The following ZNF254 variants were observed in gnomAD, a reference collection of about 807,000 sequenced individuals.
ZNF254 encodes CTD-2017D11.1.
A neutral mutation model predicts 12.4 loss-of-function variants in ZNF254; 10 were observed. That is an observed-to-expected ratio of 0.80 (90% CI 0.50 to 1.36). ZNF254 has a LOEUF of 1.36. Among genes scored for constraint, ZNF254 ranks in the 40% most tolerant of loss-of-function variants. The pLI is 0.00. For missense variants in ZNF254, 996 were observed against 763.9 expected (o/e 1.30, Z -3.58); for synonymous variants, 305 against 253.4 (o/e 1.20, Z -1.93).
chr19:24,076,423 C>G (rs1971662320), intron 2 of ZNF254, among the ~76,000 whole-genome samples: 1 of 152,152 alleles, frequency 6.6e-6, no homozygotes, highest in African/African-American at 2.4e-5. Context: ...TGTGACTCCT[C>G]TATTCTGGCT....
At chr19:24,089,689 C>A (rs1972250363) in intron 1 of ZNF254, among the ~76,000 whole-genome samples, 1 of 151,904 alleles carries the variant, frequency 6.6e-6, no homozygotes, top group Admixed American at 6.6e-5. Context: ...GTCTAAAAGG[C>A]ATTTCCTAGT....
chr19:24,037,175 C>T (rs1239225966), intron 1 of ZNF254, among the ~76,000 whole-genome samples: 1 of 152,220 alleles, frequency 6.6e-6, no homozygotes, highest in Non-Finnish European at 1.5e-5. Context: ...GTCCCCCACT[C>T]ACGGGTCCTT....
At chr19:24,071,277 T>TC (rs2145493476) in intron 2 of ZNF254, among the ~76,000 whole-genome samples, 1 of 152,298 alleles carries the variant, frequency 6.6e-6, no homozygotes, top group South Asian at 2.1e-4. Context: ...GAGTGACTAA[T>TC]CCCTAGGCAC....
chr19:24,112,382 A>G (rs994263428), intron 3 of ZNF254, among the ~76,000 whole-genome samples: 2 of 145,496 alleles, frequency 1.4e-5, no homozygotes, highest in African/African-American at 5.1e-5. Context: ...GTCAGGTAGC[A>G]TGATGCCTCC....
At chr19:24,102,957 T>C (rs1282135157) in intron 1 of ZNF254, among the ~76,000 whole-genome samples, 1 of 152,204 alleles carries the variant, frequency 6.6e-6, no homozygotes, top group African/African-American at 2.4e-5. Flanking sequence ...TCCTTGGATT[T>C]ATTGGACACT....
At chr19:24,116,045 G>T (rs1197733040) in intron 3 of ZNF254, among the ~76,000 whole-genome samples, 3 of 152,154 alleles carry the variant, frequency 2.0e-5, no homozygotes, top group Non-Finnish European at 4.4e-5. Context: ...CTGGCTTGTA[G>T]AGTTTCTGCC....
At chr19:24,038,622 C>T (rs776572665) in intron 1 of ZNF254, among the ~76,000 whole-genome samples, 7 of 152,318 alleles carry the variant, frequency 4.6e-5, no homozygotes, top group South Asian at 2.1e-4. Flanking sequence ...ACTGTGCCCA[C>T]CATGCTTCAT....
chr19:24,107,194 TGTA>T lies in ZNF254; in HGVS notation c.253+554_253+556del, dbSNP rs758951064. 30 of 641,920 alleles carry T rather than the reference TGTA, an allele frequency of 4.7e-5. No individual in the cohort carries two copies. In the South Asian group the frequency reaches 4.9e-4, roughly 11 times the overall value. 39.8% of individuals were successfully genotyped at this position (641,920 alleles called of 1,614,324 possible). Reference sequence around the variant, plus strand: ...ATTGCTTTGACTATTCAAAGTTTATTGTAGTTTCATGTCCATTTTAGGATTGGA... The same window carrying T: ...ATTGCTTTGACTATTCAAAGTTTATTGTTTCATGTCCATTTTAGGATTGGA... On this transcript the variant is annotated intron_variant, in intron 3 of 3. Transcript: ENST00000357002.
chr19:24,060,985 T>C (rs377597927), intron 2 of ZNF254, among the ~76,000 whole-genome samples: 1 of 151,996 alleles, frequency 6.6e-6, no homozygotes, highest in East Asian at 1.9e-4. Flanking sequence ...CCCTCATTGA[T>C]TTTTGTGACA....
chr19:24,095,983 G>A (rs760634078), intron 1 of ZNF254, among the ~76,000 whole-genome samples: 1 of 150,628 alleles, frequency 6.6e-6, no homozygotes, highest in Non-Finnish European at 1.5e-5. Flanking sequence ...TTTAATTTGA[G>A]CATTAAATGC....
chr19:24,109,696 C>CT (rs1053684526), intron 3 of ZNF254, among the ~76,000 whole-genome samples: 2 of 146,814 alleles, frequency 1.4e-5, no homozygotes, highest in Non-Finnish European at 3.0e-5. Context: ...TTTTCTTTTT[C>CT]TTTTTTCTTT....
At chr19:24,108,658 C>T (rs552086452) in intron 3 of ZNF254, among the ~76,000 whole-genome samples, 2 of 152,214 alleles carry the variant, frequency 1.3e-5, no homozygotes, top group South Asian at 4.1e-4. Flanking sequence ...TCAGCAATGG[C>T]TGACAAATTT....
intron 1 of ZNF254, among the ~76,000 whole-genome samples, chr19:24,043,406 TGCATGCCA>T (rs936419004): frequency 2.0e-5 from 3 of 152,002 alleles, no homozygotes; most frequent in Non-Finnish European, 4.4e-5. Context: ...GTACGACAGG[TGCATGCCA>T]CCATGCCTGG....
chr19:24,059,697 A>G (rs1412544256), intron 2 of ZNF254, among the ~76,000 whole-genome samples: 3 of 152,146 alleles, frequency 2.0e-5, no homozygotes, highest in African/African-American at 4.8e-5. Flanking sequence ...CTACAGGGGT[A>G]TGATGATGTT....
intron 1 of ZNF254, among the ~76,000 whole-genome samples, chr19:24,036,714 C>T (rs1249817973): frequency 6.6e-6 from 1 of 152,180 alleles, no homozygotes; most frequent in African/African-American, 2.4e-5. Flanking sequence ...TGCACACAGG[C>T]TGTCACAATG....
chr19:24,070,133 ACT>A (rs1301762675), intron 2 of ZNF254, among the ~76,000 whole-genome samples: 1 of 151,956 alleles, frequency 6.6e-6, no homozygotes, highest in Non-Finnish European at 1.5e-5. Context: ...GCAGATGAGG[ACT>A]CTCCTATATT....
chr19:24,106,486 A>G, intron 2 of ZNF254, 62 bp from the exon 3 acceptor site: 1 of 1,344,634 alleles, frequency 7.4e-7, no homozygotes, highest in Non-Finnish European at 1.0e-6. Flanking sequence ...TACTGAGCAC[A>G]TTACTAAGTT....
rs147692765 is a variant in ZNF254, at chr19:24,122,509, A to G, written c.254-3745A>G. 2.3e-3 allele frequency among the ~76,000 whole-genome samples: 351 copies of G among 152,188 alleles called. 2 individuals carry two copies. The highest frequency in any genetic ancestry group is 8.0e-3 in the African/African-American group (334 of 41,528). On this transcript the variant is annotated intron_variant, in intron 3 of 3. Transcript: ENST00000357002. ...CAAAGTGCTCAGATTACAGGTGTGA[A>G]CCACCATGCCTGGCCCCAATTTTTT...
Position 24,127,083 on chromosome 19 carries a change from G to T in ZNF254, c.1083G>T (p.Gln361His). ...KCEECGKAFS[Q>H]SSTLTTHKII... ...AAGAATGTGGCAAAGCTTTTAGCCA[G>T]TCCTCAACCCTTACTACACATAAGA... Residue 361 changes from glutamine (Q) to histidine (H), a missense_variant, in exon 4 of 4, where the codon CAG (glutamine) becomes CAT (histidine). Physicochemically the swap from Gln to His is conservative, Grantham distance 24. Coordinates refer to ENST00000357002, the MANE Select transcript of ZNF254 (RefSeq NM_203282.4). The T allele has an allele frequency of 2.5e-6, 4 of 1,610,276 alleles. No individual in the cohort carries two copies. Among genetic ancestry groups the T allele is most frequent in the Non-Finnish European group, 3.4e-6 (4 of 1,178,642 alleles).
Sources: allele counts gnomAD v4.1 joint callset (sites outside exome capture counted in the v4.1 genomes callset), GRCh38; gene constraint gnomAD v4.1.1; transcripts MANE v1.5; gene names NCBI Gene and HGNC (gene_info 2026-07-23, HGNC 2026-07-21).